The following LAMA2 variants were observed in gnomAD, a reference collection of about 807,000 sequenced individuals.
LAMA2 encodes the protein laminin subunit alpha 2.
LAMA2 carries 269 observed loss-of-function variants against 364.8 expected under a neutral mutation model. That is an observed-to-expected ratio of 0.74 (90% CI 0.67 to 0.82). The LOEUF (loss-of-function observed/expected upper bound fraction) is 0.82, where lower values mean the gene tolerates loss of function less well. Ranked by LOEUF, LAMA2 falls within the 40% of genes least tolerant of loss-of-function variation. The pLI is 0.00. For synonymous variants in LAMA2, 1,379 were observed against 1,370.6 expected (o/e 1.01, Z -0.14); for missense variants, 3,807 against 3,873.2 (o/e 0.98, Z 0.45).
intron 1 of LAMA2, among the ~76,000 whole-genome samples, chr6:128,892,492 T>C (rs1582613979): frequency 6.6e-6 from 1 of 152,006 alleles, no homozygotes; most frequent in African/African-American, 2.4e-5. Context: ...TTAATACTTA[T>C]AATATGTTTA....
At chr6:129,465,081 A>G in intron 50 of LAMA2, 64 bp from the exon 51 acceptor site, 1 of 1,339,338 alleles carries the variant, frequency 7.5e-7, no homozygotes, top group African/African-American at 1.4e-5. Context: ...CCACACAAGA[A>G]AAGTGAACAC....
At chr6:129,505,548 G>A (rs776030047) in intron 61 of LAMA2, among the ~76,000 whole-genome samples, 193 bp downstream of exon 61, 4 of 152,082 alleles carry the variant, frequency 2.6e-5, no homozygotes, top group East Asian at 1.9e-4. Context: ...TCGCTCTGTC[G>A]CCCAGGCTGG....
chr6:129,426,687 T>C (rs1203625126), intron 40 of LAMA2, among the ~76,000 whole-genome samples: 1 of 152,216 alleles, frequency 6.6e-6, no homozygotes, highest in African/African-American at 2.4e-5. Context: ...GATAGCATTG[T>C]ACAATCAATC....
In LAMA2 at chr6:129,277,232, A is replaced by C. The variant is rs576415396; in HGVS notation, c.2451-2829A>C. Among the ~76,000 whole-genome samples the C allele has an allele frequency of 2.6e-5, 4 of 152,330 alleles. No homozygotes were observed. The South Asian group carries it at 6.2e-4, about 24-fold the overall frequency. ...ATAATCTTGGAATCACTTGAGGTCAATGATGATCTCACAATTTCCTCTTTG... is the reference window on the plus strand; with the variant it reads ...ATAATCTTGGAATCACTTGAGGTCACTGATGATCTCACAATTTCCTCTTTG... On this transcript the variant is annotated intron_variant, in intron 17 of 64. Coordinates refer to ENST00000421865, the MANE Select transcript of LAMA2 (RefSeq NM_000426.4).
intron 1 of LAMA2, among the ~76,000 whole-genome samples, chr6:128,925,461 T>C (rs1192564114): frequency 1.3e-5 from 2 of 152,134 alleles, no homozygotes; most frequent in African/African-American, 2.4e-5. Context: ...GTCAGAATCA[T>C]AGAGACAGAA....
At chr6:129,005,735 T>C (rs1416053966) in intron 1 of LAMA2, among the ~76,000 whole-genome samples, 2 of 151,086 alleles carry the variant, frequency 1.3e-5, no homozygotes, top group Non-Finnish European at 3.0e-5. Flanking sequence ...TGTATGTGTG[T>C]GTATAATTTT....
At chr6:129,293,591 G>A (rs1278324741) in intron 20 of LAMA2, among the ~76,000 whole-genome samples, 4 of 152,118 alleles carry the variant, frequency 2.6e-5, no homozygotes, top group African/African-American at 9.7e-5. Flanking sequence ...ACCCAAAACG[G>A]GGAAAGTTGT....
intron 1 of LAMA2, among the ~76,000 whole-genome samples, chr6:128,941,448 GAATC>G (rs1200510001): frequency 3.3e-5 from 5 of 152,148 alleles, no homozygotes; most frequent in African/African-American, 1.2e-4. Flanking sequence ...TTGAATGAAT[GAATC>G]AATCAATCCA....
intron 4 of LAMA2, among the ~76,000 whole-genome samples, chr6:129,125,609 C>T (rs911359343): frequency 6.6e-6 from 1 of 152,084 alleles, no homozygotes; most frequent in African/African-American, 2.4e-5. Flanking sequence ...TGTGCTTAGA[C>T]CTTGATGTGA....
intron 61 of LAMA2, 24 bp from the exon 62 acceptor site, chr6:129,507,465 G>T (rs376427088): frequency 1.5e-5 from 24 of 1,613,584 alleles, no homozygotes; most frequent in African/African-American, 4.0e-5. Flanking sequence ...CCTGACATTT[G>T]TTTCTTCTGA....
chr6:129,436,290 C>A (rs1207310036), intron 41 of LAMA2, among the ~76,000 whole-genome samples: 1 of 152,098 alleles, frequency 6.6e-6, no homozygotes, highest in Non-Finnish European at 1.5e-5. Context: ...CTACCCAGCT[C>A]CCACCAGCCC....
intron 1 of LAMA2, chr6:128,930,134 C>G (rs540998476): frequency 4.7e-5 from 13 of 274,332 alleles, no homozygotes; most frequent in African/African-American, 1.1e-4. Context: ...GCAGCTACAG[C>G]CACTCTGACG....
At chr6:129,341,542 G>T (rs1032690677) in intron 29 of LAMA2, among the ~76,000 whole-genome samples, 1 of 151,928 alleles carries the variant, frequency 6.6e-6, no homozygotes, top group Non-Finnish European at 1.5e-5. Flanking sequence ...TTTGTCAGGT[G>T]GTTTTTTTAA....
chr6:129,168,486 G>A (rs1038911782), intron 9 of LAMA2, among the ~76,000 whole-genome samples: 189 of 152,132 alleles, frequency 1.2e-3, no homozygotes, highest in Middle Eastern at 6.8e-3. Context: ...CATATGCGGC[G>A]TTATTTCTGA....
At chr6:129,044,549 C>T (rs534656948) in intron 1 of LAMA2, among the ~76,000 whole-genome samples, 1 of 148,454 alleles carries the variant, frequency 6.7e-6, no homozygotes, top group East Asian at 1.9e-4. Context: ...TCTAGATATC[C>T]TATTACCATA....
chr6:129,374,835 T>G (rs1778283545), intron 34 of LAMA2, among the ~76,000 whole-genome samples: 1 of 150,898 alleles, frequency 6.6e-6, no homozygotes, highest in Non-Finnish European at 1.5e-5. Flanking sequence ...TCCACCCGCC[T>G]CAGCCTCCCA....
At position 129,154,052 on chromosome 6, in the gene LAMA2, T is replaced by G. The variant is rs181163753; in HGVS notation, c.1028-453T>G. 2.9e-3 allele frequency among the ~76,000 whole-genome samples: 446 copies of G among 152,336 alleles called. 4 individuals are homozygous for G. Among genetic ancestry groups the G allele is most frequent in the Non-Finnish European group, 5.0e-3 (342 of 68,030 alleles). On this transcript the variant is annotated intron_variant, in intron 7 of 64. Transcript: ENST00000421865. ...TAAAATGTGTGAATTTATTAATACCTCCAATACATCCAGATACTTTCTGGA... is the reference window on the plus strand; with the variant it reads ...TAAAATGTGTGAATTTATTAATACCGCCAATACATCCAGATACTTTCTGGA...
intron 62 of LAMA2, among the ~76,000 whole-genome samples, chr6:129,511,058 A>G (rs1583942512): frequency 6.6e-6 from 1 of 152,092 alleles, no homozygotes; most frequent in African/African-American, 2.4e-5. Flanking sequence ...CTGGGCTCTT[A>G]TAATTCTGGA....
chr6:129,487,271 A>G (rs187512217), intron 56 of LAMA2, among the ~76,000 whole-genome samples: 3 of 152,282 alleles, frequency 2.0e-5, no homozygotes, highest in Admixed American at 1.3e-4. Context: ...AATTGGCTTT[A>G]CTCATGCACA....
Sources: allele counts gnomAD v4.1 joint callset (sites outside exome capture counted in the v4.1 genomes callset), GRCh38; gene constraint gnomAD v4.1.1; transcripts MANE v1.5; gene names NCBI Gene and HGNC (gene_info 2026-07-23, HGNC 2026-07-21).